Variants in SORCS1 observed in about 807,000 individuals in gnomAD.
SORCS1 encodes the protein VPS10 domain-containing receptor SorCS1.
A neutral mutation model predicts 146.1 loss-of-function variants in SORCS1; 60 were observed. The observed-to-expected ratio is 0.41, with a 90% CI of 0.33 to 0.51. The LOEUF is 0.51. Among genes scored for constraint, SORCS1 ranks in the 20% least tolerant of loss-of-function variants. The pLI is 0.21. For synonymous variants in SORCS1, 637 were observed against 584.0 expected (o/e 1.09, Z -1.31); for missense variants, 1,352 against 1,487.6 (o/e 0.91, Z 1.50).
At chr10:106,579,594 A>C in intron 24 of SORCS1, 120 bp from the exon 25 acceptor site, 1 of 973,392 alleles carries the variant, frequency 1.0e-6, no homozygotes, top group East Asian at 2.6e-5. Flanking sequence ...TGTGGGATAT[A>C]CACACAAGAT....
At chr10:106,927,487 G>T (rs922126683) in intron 2 of SORCS1, among the ~76,000 whole-genome samples, 2 of 152,220 alleles carry the variant, frequency 1.3e-5, no homozygotes, top group Non-Finnish European at 2.9e-5. Flanking sequence ...AAGACTTATT[G>T]CAAAGAGCGA....
chr10:106,918,286 G>A (rs769593704), intron 2 of SORCS1, among the ~76,000 whole-genome samples: 11 of 151,778 alleles, frequency 7.2e-5, no homozygotes, highest in Non-Finnish European at 1.5e-4. Context: ...TCAGCCTCCC[G>A]AGTGGCTGGG....
Position 106,919,650 on chromosome 10 carries a change from T to A in SORCS1, c.626+36863A>T, listed in dbSNP as rs376110068. 9.2e-5 allele frequency among the ~76,000 whole-genome samples: 14 copies of A among 152,314 alleles called. No homozygotes were observed. In the South Asian group the frequency reaches 2.7e-3, roughly 29 times the overall value. ...TCAGGAGATGCCTAACGGTACTACA[T>A]AGTAAATGTCATGAAACTACTCAAA... On this transcript the variant is annotated intron_variant, in intron 2 of 25. Coordinates refer to ENST00000263054, the MANE Select transcript of SORCS1 (RefSeq NM_052918.5).
chr10:106,991,229 C>T (rs910275214), intron 1 of SORCS1, among the ~76,000 whole-genome samples: 2 of 152,212 alleles, frequency 1.3e-5, no homozygotes, highest in African/African-American at 4.8e-5. Flanking sequence ...CTATTCAGCA[C>T]GTGTTCTAGC....
intron 2 of SORCS1, among the ~76,000 whole-genome samples, chr10:106,892,843 T>C (rs1951287224): frequency 6.6e-6 from 1 of 151,578 alleles, no homozygotes; most frequent in African/African-American, 2.4e-5. Flanking sequence ...TTTTATAGTG[T>C]CTAAAACTCA....
chr10:107,107,047 GC>G (rs1336871558), intron 1 of SORCS1, among the ~76,000 whole-genome samples: 1 of 152,162 alleles, frequency 6.6e-6, no homozygotes, highest in Non-Finnish European at 1.5e-5. Flanking sequence ...TGTTATAGTA[GC>G]CCAAACAGAC....
intron 1 of SORCS1, among the ~76,000 whole-genome samples, chr10:107,083,899 C>A (rs1963544112): frequency 6.6e-6 from 1 of 152,080 alleles, no homozygotes; most frequent in South Asian, 2.1e-4. Flanking sequence ...GCCCTCTCAA[C>A]CTGCTGTTAA....
intron 5 of SORCS1, among the ~76,000 whole-genome samples, chr10:106,760,392 T>G (rs1385479367): frequency 2.3e-5 from 3 of 131,626 alleles, no homozygotes; most frequent in Non-Finnish European, 4.6e-5. Context: ...TGCAGTGAGC[T>G]GAGATCAGAC....
intron 2 of SORCS1, among the ~76,000 whole-genome samples, chr10:106,872,777 T>G (rs1950459010): frequency 6.6e-6 from 1 of 152,158 alleles, no homozygotes; most frequent in Non-Finnish European, 1.5e-5. Flanking sequence ...CAGAAATTTA[T>G]CATTATCTTG....
chr10:106,992,088 G>A (rs17121852), intron 1 of SORCS1, among the ~76,000 whole-genome samples: 26,462 of 152,100 alleles, frequency 0.17, 7,047 homozygotes, highest in African/African-American at 0.58. Context: ...ATAAAAAGGT[G>A]AAGACTGAGC....
chr10:107,035,159 C>T (rs189813382), intron 1 of SORCS1, among the ~76,000 whole-genome samples: 44 of 150,866 alleles, frequency 2.9e-4, no homozygotes, highest in Middle Eastern at 3.4e-3. Context: ...TGACCCAGAT[C>T]CAGATGATTT....
intron 2 of SORCS1, among the ~76,000 whole-genome samples, chr10:106,928,695 A>G (rs1953217985): frequency 6.6e-6 from 1 of 152,162 alleles, no homozygotes; most frequent in Non-Finnish European, 1.5e-5. Context: ...TGAGCATGCA[A>G]CCTCACATCT....
At chr10:107,146,269 G>C (rs1162982335) in intron 1 of SORCS1, among the ~76,000 whole-genome samples, 1 of 152,132 alleles carries the variant, frequency 6.6e-6, no homozygotes, top group Non-Finnish European at 1.5e-5. Context: ...TGTCTCTTTA[G>C]ATACAGATTT....
At chr10:107,035,177 C>A (rs1958841780) in intron 1 of SORCS1, among the ~76,000 whole-genome samples, 1 of 150,828 alleles carries the variant, frequency 6.6e-6, no homozygotes, top group Non-Finnish European at 1.5e-5. Flanking sequence ...TTTCCAGGCC[C>A]CCTACATCTT....
chr10:106,954,797 C>T (rs1305049977), intron 2 of SORCS1, among the ~76,000 whole-genome samples: 1 of 152,126 alleles, frequency 6.6e-6, no homozygotes, highest in Non-Finnish European at 1.5e-5. Flanking sequence ...CCTATAAAAA[C>T]CCTGCCCTCA....
At chr10:106,740,040 T>TC (rs1857257921) in intron 5 of SORCS1, among the ~76,000 whole-genome samples, 2 of 151,972 alleles carry the variant, frequency 1.3e-5, no homozygotes, top group Non-Finnish European at 2.9e-5. Context: ...ATAAGAGAAT[T>TC]CCAGAACAGC....
At chr10:106,713,862 C>T (rs1052100528) in intron 6 of SORCS1, among the ~76,000 whole-genome samples, 1 of 151,940 alleles carries the variant, frequency 6.6e-6, no homozygotes, top group Admixed American at 6.6e-5. Flanking sequence ...CCCCAAGATA[C>T]AAAATAAGAA....
the SORCS1 span, among the ~76,000 whole-genome samples, chr10:107,171,462 T>G: frequency 9.2e-5 from 14 of 151,594 alleles, no homozygotes; most frequent in African/African-American, 2.9e-4. Flanking sequence ...GTACTTGAAT[T>G]ATTCTTTGCA....
chr10:106,900,104 A>T (rs182283826), intron 2 of SORCS1, among the ~76,000 whole-genome samples: 1 of 152,226 alleles, frequency 6.6e-6, no homozygotes, highest in African/African-American at 2.4e-5. Flanking sequence ...CTAAATAGGC[A>T]TATTTTCCGT....
Sources: gnomAD v4.1 joint callset for allele counts (sites outside exome capture counted in the v4.1 genomes callset) on GRCh38, gnomAD v4.1.1 for gene constraint, MANE v1.5 for transcripts, NCBI Gene and HGNC (gene_info 2026-07-23, HGNC 2026-07-21) for gene names.